SCN9A: variants seen among roughly 807,000 people sequenced by gnomAD.
SCN9A encodes sodium voltage-gated channel alpha subunit 9, also known as sodium channel protein type 9 subunit alpha.
A neutral mutation model predicts 187.0 loss-of-function variants in SCN9A; 131 were observed. The observed-to-expected ratio is 0.70, with a 90% CI of 0.61 to 0.81. The LOEUF (loss-of-function observed/expected upper bound fraction) is 0.81. Ranked by LOEUF, SCN9A falls within the 30% of genes least tolerant of loss-of-function variation. The pLI is 0.00. For missense variants in SCN9A, 2,252 were observed against 2,396.6 expected (o/e 0.94, Z 1.26); for synonymous variants, 809 against 808.6 (o/e 1.00, Z -0.01).
In SCN9A at chr2:166,203,934, C is replaced by T. The variant is rs763234517; in HGVS notation, c.4774+21G>A. ...TTTAGCTTTACTCAAAAAATAAAAT[C>T]TGAAAAATAAATATTCTTACCTACA... On this transcript the variant is annotated intron_variant, in intron 26 of 26. Transcript: ENST00000642356. 9 of 1,425,604 alleles carry T rather than the reference C, an allele frequency of 6.3e-6. No individual in the cohort carries two copies. In the African/African-American group the frequency reaches 1.1e-4, roughly 18 times the overall value. The allele number at this position is 1,425,604 out of a possible 1,614,324, so 88.3% of individuals were successfully genotyped here.
intron 1 of SCN9A, among the ~76,000 whole-genome samples, chr2:166,365,795 A>G (rs946604209): frequency 6.6e-6 from 1 of 152,266 alleles, no homozygotes; most frequent in South Asian, 2.1e-4. Flanking sequence ...TTTTCACAGC[A>G]TATCTTATGG....
At chr2:166,207,295 A>C (rs983348508) in intron 24 of SCN9A, among the ~76,000 whole-genome samples, 15 of 152,056 alleles carry the variant, frequency 9.9e-5, no homozygotes, top group Admixed American at 9.2e-4. Context: ...GGATTTGGTA[A>C]TATTCAGCTT....
chr2:166,233,201 G>GTC, intron 21 of SCN9A, 139 bp downstream of exon 21: 4 of 178,698 alleles, frequency 2.2e-5, no homozygotes, highest in Non-Finnish European at 3.6e-5. Context: ...ATGTATATAT[G>GTC]TATATGTACA....
At chr2:166,330,433 T>C (rs531250791) in intron 1 of SCN9A, among the ~76,000 whole-genome samples, 7 of 152,354 alleles carry the variant, frequency 4.6e-5, no homozygotes, top group Admixed American at 3.9e-4. Context: ...TTTGTTTTTA[T>C]TTACTAAGCA....
At chr2:166,319,746 A>T (rs959704919) in intron 1 of SCN9A, among the ~76,000 whole-genome samples, 5 of 152,168 alleles carry the variant, frequency 3.3e-5, no homozygotes, top group African/African-American at 1.2e-4. Context: ...CAAAGACAAG[A>T]TATACACATA....
chr2:166,281,725 T>C lies in SCN9A; in HGVS notation c.2058A>G (p.Arg686=). ...TGCTTGCTCTACTCATTGCTCTCTG[T>C]CTGAGGTTGGGATCATTCAGCATAT... ...SEDMLNDPNL[R]QRAMSRASIL... Residue 686 remains arginine (R), a synonymous_variant, in exon 13 of 27, where the codon AGA becomes AGG. Transcript: ENST00000642356. The C allele has an allele frequency of 6.2e-7, 1 of 1,613,450 alleles. No individual in the cohort carries two copies. Among genetic ancestry groups the C allele is most frequent in the Non-Finnish European group, 8.5e-7 (1 of 1,179,552 alleles).
chr2:166,362,311 G>C (rs17766561), intron 1 of SCN9A, among the ~76,000 whole-genome samples: 1 of 151,800 alleles, frequency 6.6e-6, no homozygotes, highest in Non-Finnish European at 1.5e-5. Context: ...GGAACTAAAG[G>C]CTGTGATTAT....
chr2:166,220,747 G>A (rs931922950), intron 24 of SCN9A, among the ~76,000 whole-genome samples: 7 of 152,100 alleles, frequency 4.6e-5, no homozygotes, highest in African/African-American at 7.2e-5. Flanking sequence ...TTTCCTGTAA[G>A]ATCAGGAATA....
intron 1 of SCN9A, among the ~76,000 whole-genome samples, chr2:166,329,881 A>G (rs1003069004): frequency 1.3e-5 from 2 of 152,130 alleles, no homozygotes; most frequent in Non-Finnish European, 2.9e-5. Context: ...ACAGTTTGCT[A>G]TGATCCAGGA....
At chr2:166,289,017 T>A (rs1036658612) in intron 9 of SCN9A, among the ~76,000 whole-genome samples, 7 of 152,250 alleles carry the variant, frequency 4.6e-5, no homozygotes, top group Non-Finnish European at 7.4e-5. Context: ...TTTCTTTCTT[T>A]ATCATCAAAT....
rs72884762 is a variant in SCN9A, at chr2:166,351,038, C to T, written c.-51+24659G>A. Among the ~76,000 whole-genome samples, 754 of 152,062 alleles carry T rather than the reference C, an allele frequency of 5.0e-3. 8 individuals carry two copies. The highest frequency in any genetic ancestry group is 4.6e-3 in the Non-Finnish European group (312 of 67,994). ...CCTGCTCTCTATATATAAGCACAGA[C>T]GCACACACAGACATACACACATATT... On this transcript the variant is annotated intron_variant, in intron 1 of 26. Transcript: ENST00000642356.
At chr2:166,316,817 A>C (rs558517679) in intron 1 of SCN9A, among the ~76,000 whole-genome samples, 6 of 152,214 alleles carry the variant, frequency 3.9e-5, no homozygotes, top group Non-Finnish European at 8.8e-5. Context: ...ATTCAAAGAC[A>C]GTAATCTCAG....
intron 2 of SCN9A, among the ~76,000 whole-genome samples, chr2:166,309,413 A>C (rs1371698512): frequency 6.6e-6 from 1 of 152,232 alleles, no homozygotes; most frequent in Non-Finnish European, 1.5e-5. Flanking sequence ...TTGGCAGATC[A>C]CTGTGTCATG....
intron 22 of SCN9A, 94 bp from the exon 23 acceptor site, chr2:166,227,817 TTAAG>T: frequency 2.8e-6 from 2 of 703,336 alleles, no homozygotes; most frequent in Non-Finnish European, 5.1e-6. Context: ...ACCACAATTA[TTAAG>T]TAATACTAGT....
At chr2:166,288,348 T>G (rs1179216114) in intron 10 of SCN9A, 89 bp downstream of exon 10, 6 of 982,724 alleles carry the variant, frequency 6.1e-6, no homozygotes, top group Non-Finnish European at 8.8e-6. Context: ...AAAATCTAGC[T>G]GGAGAAGGCC....
In SCN9A at chr2:166,278,482, C is replaced by T. The variant is rs373564095; in HGVS notation, c.2344-169G>A. On this transcript the variant is annotated intron_variant, in intron 14 of 26. Coordinates refer to ENST00000642356, the MANE Select transcript of SCN9A (RefSeq NM_001365536.1). Reference sequence around the variant, plus strand: ...GTCCTGTAAATTAGGTATTGCTCTTCCCTGGCTCCCATATCAGCATCAAAA... The same window carrying T: ...GTCCTGTAAATTAGGTATTGCTCTTTCCTGGCTCCCATATCAGCATCAAAA... Among the ~76,000 whole-genome samples, 67 of 152,252 alleles carry T rather than the reference C, an allele frequency of 4.4e-4. 1 individual carries two copies. In the East Asian group the frequency reaches 0.013, roughly 29 times the overall value.
rs190446880 is a variant in SCN9A, at chr2:166,322,082, A to G, written c.-50-10276T>C. Among the ~76,000 whole-genome samples the G allele has an allele frequency of 2.6e-4, 40 of 152,324 alleles. No individual in the cohort carries two copies. In the East Asian group the frequency reaches 6.6e-3, roughly 25 times the overall value. The stretch of plus-strand genomic sequence containing the variant: ...AACAACATTCAAAAAGAAAGGACAA[A>G]GATACTAAAAGAAATAGATTTATTT... On this transcript the variant is annotated intron_variant, in intron 1 of 26. Transcript: ENST00000642356.
At chr2:166,314,719 A>G (rs1278273102) in intron 1 of SCN9A, among the ~76,000 whole-genome samples, 1 of 152,208 alleles carries the variant, frequency 6.6e-6, no homozygotes, top group Non-Finnish European at 1.5e-5. Flanking sequence ...ATACGATATG[A>G]TTCCATCTTA....
At chr2:166,214,060 T>C (rs1558953839) in intron 24 of SCN9A, among the ~76,000 whole-genome samples, 1 of 152,098 alleles carries the variant, frequency 6.6e-6, no homozygotes, top group Admixed American at 6.5e-5. Context: ...TTCTAGAAAA[T>C]GCTTTTTCTA....
Sources: gnomAD v4.1 joint callset for allele counts (sites outside exome capture counted in the v4.1 genomes callset) on GRCh38, gnomAD v4.1.1 for gene constraint, MANE v1.5 for transcripts, NCBI Gene and HGNC (gene_info 2026-07-23, HGNC 2026-07-21) for gene names.